The following POFUT3 variants were observed in gnomAD, a reference collection of about 807,000 sequenced individuals.
POFUT3 encodes protein O-fucosyltransferase 3.
the POFUT3 span, among the ~76,000 whole-genome samples, chr8:33,446,575 G>A: frequency 6.6e-6 from 1 of 152,056 alleles, no homozygotes; most frequent in Non-Finnish European, 1.5e-5. Context: ...AGCTAATGAG[G>A]CTTTCTCATT....
At chr8:33,471,237 T>TTTG in the POFUT3 span, among the ~76,000 whole-genome samples, 139 of 151,950 alleles carry the variant, frequency 9.1e-4, 1 homozygote, top group East Asian at 0.016. Context: ...GTTTTTGTTT[T>TTTG]TTGTTGTTGT....
chr8:33,308,587 C>T, the POFUT3 span, among the ~76,000 whole-genome samples: 1 of 152,150 alleles, frequency 6.6e-6, no homozygotes, highest in Non-Finnish European at 1.5e-5. Context: ...TGAACATGGA[C>T]ACAAACAATG....
At chr8:33,428,942 G>T in the POFUT3 span, among the ~76,000 whole-genome samples, 1 of 152,078 alleles carries the variant, frequency 6.6e-6, no homozygotes, top group Non-Finnish European at 1.5e-5. Flanking sequence ...CACAAAACAG[G>T]CTAAGACAAT....
the POFUT3 span, among the ~76,000 whole-genome samples, chr8:33,320,693 A>T: frequency 2.0e-5 from 3 of 152,108 alleles, no homozygotes; most frequent in Admixed American, 6.6e-5. Flanking sequence ...GTTGATGTCA[A>T]TTAAAGACTG....
chr8:33,439,394 C>T, the POFUT3 span, among the ~76,000 whole-genome samples: 2 of 151,946 alleles, frequency 1.3e-5, no homozygotes, highest in Non-Finnish European at 2.9e-5. Flanking sequence ...CAGAGTAAGA[C>T]TTAGTCTCAA....
the POFUT3 span, among the ~76,000 whole-genome samples, chr8:33,407,987 C>CAA: frequency 4.8e-5 from 4 of 83,724 alleles, no homozygotes; most frequent in African/African-American, 1.3e-4. Context: ...GACTCCATCT[C>CAA]AAAAAAAAAA....
At chr8:33,369,453 G>T in the POFUT3 span, among the ~76,000 whole-genome samples, 5 of 152,118 alleles carry the variant, frequency 3.3e-5, no homozygotes, top group South Asian at 1.0e-3. Flanking sequence ...TTAAAAGAAA[G>T]AAATTTCCTA....
At chr8:33,376,503 G>A in the POFUT3 span, among the ~76,000 whole-genome samples, 6 of 152,174 alleles carry the variant, frequency 3.9e-5, no homozygotes, top group African/African-American at 7.2e-5. Flanking sequence ...GACTATATAA[G>A]TGGAAGTGTG....
At chr8:33,449,101 C>T in the POFUT3 span, among the ~76,000 whole-genome samples, 48 of 152,140 alleles carry the variant, frequency 3.2e-4, no homozygotes, top group South Asian at 2.1e-3. Context: ...TAAGACCAAA[C>T]GCCATAGCTG....
chr8:33,434,192 C>A, the POFUT3 span, among the ~76,000 whole-genome samples: 2 of 151,686 alleles, frequency 1.3e-5, no homozygotes, highest in East Asian at 3.9e-4. Flanking sequence ...ACTTGGGAGG[C>A]AGAGGTTGCA....
chr8:33,318,564 T>C, the POFUT3 span, among the ~76,000 whole-genome samples: 37 of 92,556 alleles, frequency 4.0e-4, 1 homozygote, highest in Middle Eastern at 4.8e-3. Context: ...AATATATATA[T>C]AATATATAAA....
chr8:33,471,286 T>A, the POFUT3 span, among the ~76,000 whole-genome samples: 2 of 152,096 alleles, frequency 1.3e-5, no homozygotes, highest in Non-Finnish European at 2.9e-5. Context: ...CTCGCTCTGT[T>A]GCCCAGGCTG....
chr8:33,343,226 A>T, the POFUT3 span, among the ~76,000 whole-genome samples: 7 of 152,230 alleles, frequency 4.6e-5, no homozygotes, highest in Non-Finnish European at 7.3e-5. Context: ...ACAGACAGAC[A>T]CAGGACCAGA....
chr8:33,317,114 A>G, the POFUT3 span, among the ~76,000 whole-genome samples: 2 of 152,184 alleles, frequency 1.3e-5, no homozygotes, highest in Non-Finnish European at 2.9e-5. Flanking sequence ...TGACAAATAA[A>G]TGAGCAACCT....
chr8:33,442,308 G>T, the POFUT3 span, among the ~76,000 whole-genome samples: 5 of 144,616 alleles, frequency 3.5e-5, no homozygotes, highest in Non-Finnish European at 6.0e-5. Flanking sequence ...TTTGGGGGGG[G>T]ACAGAGTCTT....
the POFUT3 span, among the ~76,000 whole-genome samples, chr8:33,441,002 A>G: frequency 6.6e-6 from 1 of 152,108 alleles, no homozygotes; most frequent in Admixed American, 6.6e-5. Context: ...ATATCAAACT[A>G]TGACTGTAAA....
the POFUT3 span, among the ~76,000 whole-genome samples, chr8:33,319,365 T>TA: frequency 3.7e-4 from 6 of 16,068 alleles, no homozygotes; most frequent in African/African-American, 2.0e-3. Flanking sequence ...ATATTTTATA[T>TA]ATATGTATAT....
At chr8:33,387,120 T>C in the POFUT3 span, among the ~76,000 whole-genome samples, 1 of 152,150 alleles carries the variant, frequency 6.6e-6, no homozygotes, top group African/African-American at 2.4e-5. Flanking sequence ...TGTGTGTGTG[T>C]ATTTAATTTT....
chr8:33,438,590 C>A, the POFUT3 span, among the ~76,000 whole-genome samples: 1 of 152,098 alleles, frequency 6.6e-6, no homozygotes, highest in South Asian at 2.1e-4. Context: ...TGTTCCTCCC[C>A]CACACCGTAC....
Sources: allele counts gnomAD v4.1 joint callset (sites outside exome capture counted in the v4.1 genomes callset), GRCh38; gene constraint gnomAD v4.1.1; transcripts MANE v1.5; gene names NCBI Gene and HGNC (gene_info 2026-07-23, HGNC 2026-07-21).